The following NEGR1 variants were observed in gnomAD, a reference collection of about 807,000 sequenced individuals.
NEGR1 encodes the protein IgLON family member 4.
Under a neutral mutation model 40.9 loss-of-function variants are expected in NEGR1, and 10 were observed. That is an observed-to-expected ratio of 0.24 (90% CI 0.15 to 0.42). NEGR1 has a LOEUF of 0.42. Ranked by LOEUF, NEGR1 falls within the 10% of genes least tolerant of loss-of-function variation. NEGR1 has a pLI of 1.00. For missense variants in NEGR1, 352 were observed against 438.9 expected, an observed-to-expected ratio of 0.80 and a Z score of 1.77; for synonymous variants, 185 against 166.8, an observed-to-expected ratio of 1.11 and a Z score of -0.84.
At chr1:72,216,926 T>G (rs1401317504) in intron 1 of NEGR1, among the ~76,000 whole-genome samples, 2 of 140,514 alleles carry the variant, frequency 1.4e-5, no homozygotes, top group East Asian at 3.9e-4. Flanking sequence ...TCATTCTTTA[T>G]ATACTTAATT....
chr1:72,153,687 T>C (rs1651251028), intron 1 of NEGR1, among the ~76,000 whole-genome samples: 1 of 151,996 alleles, frequency 6.6e-6, no homozygotes, highest in South Asian at 2.1e-4. Context: ...AAATTATTCA[T>C]AGACTCATTT....
intron 5 of NEGR1, among the ~76,000 whole-genome samples, chr1:71,600,838 G>A (rs562584318): frequency 7.0e-4 from 107 of 152,244 alleles, no homozygotes; most frequent in African/African-American, 2.5e-3. Context: ...CGATCATTAC[G>A]CATTTTAAAA....
rs140750723 is a variant in NEGR1, at chr1:71,806,765, G to A, written c.410-30468C>T. ...TCTCCCCAAGTGTTGAAACCAGTAC[G>A]TGTCAGATAAGGCCTCAGACTTATC... On this transcript the variant is annotated intron_variant, in intron 2 of 6. Transcript: ENST00000357731. 3.0e-3 allele frequency among the ~76,000 whole-genome samples: 452 copies of A among 152,028 alleles called. 3 individuals are homozygous for A. Among genetic ancestry groups the A allele is most frequent in the African/African-American group, 0.01 (422 of 41,476 alleles).
chr1:71,719,995 C>T (rs1233203034), intron 3 of NEGR1, among the ~76,000 whole-genome samples: 2 of 151,996 alleles, frequency 1.3e-5, no homozygotes, highest in African/African-American at 4.8e-5. Context: ...GAAAAAGAAA[C>T]ATTAGCTGAA....
chr1:71,761,707 C>A lies in NEGR1; in HGVS notation c.535+14465G>T, dbSNP rs916091195. Among the ~76,000 whole-genome samples the A allele has an allele frequency of 4.6e-5, 7 of 152,034 alleles. 1 individual carries two copies. The South Asian group carries it at 8.3e-4, about 18-fold the overall frequency. ...TATTAAACTCAGTATTCTAACTTAA[C>A]CAAAATATCCTTCAGAAATAAAGAA... is the stretch of plus-strand genomic sequence containing the variant. On this transcript the variant is annotated intron_variant, in intron 3 of 6. Transcript: ENST00000357731.
At chr1:71,723,848 A>G (rs1009537171) in intron 3 of NEGR1, among the ~76,000 whole-genome samples, 10 of 152,090 alleles carry the variant, frequency 6.6e-5, no homozygotes, top group Non-Finnish European at 1.0e-4. Flanking sequence ...AGTCTTGTGT[A>G]ACTCAACTCT....
intron 1 of NEGR1, among the ~76,000 whole-genome samples, chr1:72,190,839 T>C (rs983353327): frequency 3.3e-5 from 5 of 151,600 alleles, no homozygotes; most frequent in African/African-American, 1.2e-4. Context: ...TTGATATGTA[T>C]GCAAAAATTA....
At chr1:71,890,205 T>A (rs1275915309) in intron 2 of NEGR1, among the ~76,000 whole-genome samples, 35 of 95,224 alleles carry the variant, frequency 3.7e-4, no homozygotes, top group Non-Finnish European at 7.9e-5. Flanking sequence ...AGGATCAAAT[T>A]CACACATAAC....
At chr1:71,535,396 T>C (rs987569358) in intron 6 of NEGR1, among the ~76,000 whole-genome samples, 1 of 151,732 alleles carries the variant, frequency 6.6e-6, no homozygotes, top group Non-Finnish European at 1.5e-5. Context: ...AGCTCTTCTT[T>C]GTACTTGCTT....
At chr1:71,614,228 C>T (rs1483587526) in intron 4 of NEGR1, among the ~76,000 whole-genome samples, 1 of 151,658 alleles carries the variant, frequency 6.6e-6, no homozygotes, top group African/African-American at 2.4e-5. Flanking sequence ...AATATAGATA[C>T]ACACATATAC....
At position 71,402,325 on chromosome 1, in the gene NEGR1, G is replaced by A. The variant is rs970184302; in HGVS notation, c.*5121C>T. The A allele has an allele frequency of 6.6e-6, 1 of 152,182 alleles. No individual in the cohort carries two copies. Among genetic ancestry groups the A allele is most frequent in the Non-Finnish European group, 1.5e-5 (1 of 68,038 alleles). The allele number at this position is 152,182 out of a possible 1,614,324, so 9.4% of individuals were successfully genotyped here. A position where few individuals can be genotyped will look rare whatever the true frequency, so the allele number is the denominator to read the frequency against. ...CTCCATTGTAAAATGCAAAGGAGAGGTAGTTGTGACCCTTTGGGGAAAACT... is the reference window on the plus strand; with the variant it reads ...CTCCATTGTAAAATGCAAAGGAGAGATAGTTGTGACCCTTTGGGGAAAACT... On this transcript the variant is annotated 3_prime_UTR_variant, in exon 7 of 7. Transcript: ENST00000357731.
chr1:71,422,153 AACTC>A (rs1427257290), intron 6 of NEGR1, among the ~76,000 whole-genome samples: 1 of 152,188 alleles, frequency 6.6e-6, no homozygotes, highest in African/African-American at 2.4e-5. Context: ...AGGAACAAAA[AACTC>A]ACGAATACAA....
chr1:71,999,152 T>C (rs1177070736), intron 1 of NEGR1, among the ~76,000 whole-genome samples: 1 of 151,972 alleles, frequency 6.6e-6, no homozygotes, highest in African/African-American at 2.4e-5. Flanking sequence ...TGAGTCTCAA[T>C]TATTTTGACA....
Position 72,032,408 on chromosome 1 carries a change from C to T in NEGR1, c.177-97097G>A, listed in dbSNP as rs79313011. Among the ~76,000 whole-genome samples, 501 of 152,190 alleles carry T rather than the reference C, an allele frequency of 3.3e-3. 5 individuals are homozygous for T. The highest frequency in any genetic ancestry group is 0.011 in the African/African-American group (463 of 41,526). ...ATTTTAAAATTACACTTGAGCTGTC[C>T]CTGCTTATAATCTAATCTTGCAATG... is the stretch of plus-strand genomic sequence containing the variant. On this transcript the variant is annotated intron_variant, in intron 1 of 6. Transcript: ENST00000357731.
chr1:71,457,945 G>A (rs541263675), intron 6 of NEGR1, among the ~76,000 whole-genome samples: 10 of 151,980 alleles, frequency 6.6e-5, no homozygotes, highest in South Asian at 2.1e-4. Context: ...CTCGTGATCC[G>A]CCCACCTTGG....
intron 3 of NEGR1, among the ~76,000 whole-genome samples, chr1:71,767,215 G>A (rs1656164707): frequency 6.6e-6 from 1 of 152,128 alleles, no homozygotes; most frequent in Non-Finnish European, 1.5e-5. Context: ...AGGAAGATGA[G>A]GGAAAATTTG....
intron 2 of NEGR1, among the ~76,000 whole-genome samples, chr1:71,857,758 A>G (rs986162016): frequency 1.3e-5 from 2 of 151,440 alleles, no homozygotes; most frequent in Non-Finnish European, 2.9e-5. Context: ...TTATCTTTTG[A>G]CTGTGATATA....
At chr1:71,788,099 A>G (rs1420320377) in intron 2 of NEGR1, among the ~76,000 whole-genome samples, 2 of 152,158 alleles carry the variant, frequency 1.3e-5, no homozygotes, top group Non-Finnish European at 2.9e-5. Context: ...CCAAAAAATA[A>G]TTATCATCTA....
chr1:71,426,867 C>T (rs150016028), intron 6 of NEGR1, among the ~76,000 whole-genome samples: 2 of 152,224 alleles, frequency 1.3e-5, no homozygotes, highest in African/African-American at 2.4e-5. Context: ...TTAATTGCTT[C>T]CTCATAATGG....
Sources: allele counts gnomAD v4.1 joint callset (sites outside exome capture counted in the v4.1 genomes callset), GRCh38; gene constraint gnomAD v4.1.1; transcripts MANE v1.5; gene names NCBI Gene and HGNC (gene_info 2026-07-23, HGNC 2026-07-21).